ADGRL3: variants seen among roughly 807,000 people sequenced by gnomAD.
The protein encoded by ADGRL3 is calcium-independent alpha-latrotoxin receptor 3.
A neutral mutation model predicts 153.5 loss-of-function variants in ADGRL3; 62 were observed. The ratio of observed to expected loss-of-function variants is 0.40; its 90% CI spans 0.33 to 0.50. The LOEUF (loss-of-function observed/expected upper bound fraction) is 0.50. ADGRL3 is among the 20% of genes least tolerant of loss of function. ADGRL3 has a pLI of 0.47. For synonymous variants in ADGRL3, 710 were observed against 672.5 expected, an observed-to-expected ratio of 1.06 and a Z score of -0.86; for missense variants, 1,641 against 1,859.4, an observed-to-expected ratio of 0.88 and a Z score of 2.16.
intron 1 of ADGRL3, among the ~76,000 whole-genome samples, chr4:61,347,980 A>G (rs2095958615): frequency 6.6e-6 from 1 of 152,104 alleles, no homozygotes; most frequent in African/African-American, 2.4e-5. Context: ...CTAGTGAATC[A>G]TTTCTTGTTC....
intron 3 of ADGRL3, among the ~76,000 whole-genome samples, chr4:61,510,751 T>C (rs2098459210): frequency 6.6e-6 from 1 of 152,230 alleles, no homozygotes; most frequent in Non-Finnish European, 1.5e-5. Flanking sequence ...GGCTCTTTTT[T>C]GATTCCACAG....
intron 3 of ADGRL3, among the ~76,000 whole-genome samples, chr4:61,503,066 A>T (rs1177112186): frequency 6.6e-6 from 1 of 152,212 alleles, no homozygotes; most frequent in Non-Finnish European, 1.5e-5. Flanking sequence ...TGAGATTTAA[A>T]ATAGGTATTT....
At chr4:61,818,543 G>A (rs971196273) in intron 9 of ADGRL3, among the ~76,000 whole-genome samples, 2 of 152,116 alleles carry the variant, frequency 1.3e-5, no homozygotes, top group African/African-American at 4.8e-5. Flanking sequence ...TAAAATATTC[G>A]TAAGAAATCT....
At chr4:61,844,642 C>T (rs992503183) in intron 9 of ADGRL3, among the ~76,000 whole-genome samples, 38 of 121,470 alleles carry the variant, frequency 3.1e-4, no homozygotes, top group African/African-American at 1.1e-3. Context: ...CTGACTAAAA[C>T]GAATAATCGT....
chr4:61,359,412 C>G (rs1428321157), intron 1 of ADGRL3, among the ~76,000 whole-genome samples: 3 of 152,020 alleles, frequency 2.0e-5, no homozygotes, highest in Non-Finnish European at 4.4e-5. Flanking sequence ...AGGATTTAGC[C>G]CCTTGTTGGC....
intron 1 of ADGRL3, among the ~76,000 whole-genome samples, chr4:61,231,401 G>C (rs879170571): frequency 6.6e-6 from 1 of 152,148 alleles, no homozygotes; most frequent in Non-Finnish European, 1.5e-5. Flanking sequence ...GCTGACTAGT[G>C]ATTCCCAAGG....
At chr4:61,617,938 A>C (rs1358466064) in intron 5 of ADGRL3, among the ~76,000 whole-genome samples, 2 of 152,182 alleles carry the variant, frequency 1.3e-5, no homozygotes, top group Non-Finnish European at 2.9e-5. Flanking sequence ...GCAGCAATGA[A>C]CATAGGTTGG....
intron 1 of ADGRL3, among the ~76,000 whole-genome samples, chr4:61,340,461 G>A (rs1218795072): frequency 4.0e-5 from 6 of 151,704 alleles, no homozygotes; most frequent in Admixed American, 1.3e-4. Flanking sequence ...CAAGTTCCCA[G>A]TATAATCCTA....
chr4:61,645,658 G>C (rs552343755), intron 5 of ADGRL3, among the ~76,000 whole-genome samples: 1 of 152,148 alleles, frequency 6.6e-6, no homozygotes, highest in Non-Finnish European at 1.5e-5. Context: ...GAGATCCACT[G>C]TTAGTCTGAT....
intron 5 of ADGRL3, among the ~76,000 whole-genome samples, chr4:61,617,503 G>T (rs749347693): frequency 2.0e-5 from 3 of 151,970 alleles, no homozygotes; most frequent in Non-Finnish European, 2.9e-5. Flanking sequence ...ATTTTCCGTG[G>T]TCACCAACTG....
chr4:61,446,150 T>C (rs2097579719), intron 2 of ADGRL3, among the ~76,000 whole-genome samples: 1 of 152,204 alleles, frequency 6.6e-6, no homozygotes, highest in South Asian at 2.1e-4. Context: ...ATATGAGCTC[T>C]GCCCTGGACA....
intron 4 of ADGRL3, among the ~76,000 whole-genome samples, chr4:61,567,476 A>T (rs1185662106): frequency 6.6e-6 from 1 of 152,182 alleles, no homozygotes; most frequent in Non-Finnish European, 1.5e-5. Flanking sequence ...CAGAGAGCTG[A>T]CTTGCCCCTT....
chr4:61,317,400 T>G (rs971530724), intron 1 of ADGRL3, among the ~76,000 whole-genome samples: 1 of 152,186 alleles, frequency 6.6e-6, no homozygotes, highest in Non-Finnish European at 1.5e-5. Flanking sequence ...CAAAGATCAA[T>G]AGGATCTTTA....
chr4:61,413,943 A>G (rs2097116836), intron 2 of ADGRL3, among the ~76,000 whole-genome samples: 1 of 152,186 alleles, frequency 6.6e-6, no homozygotes, highest in African/African-American at 2.4e-5. Flanking sequence ...CTGGTTTGGG[A>G]CCATTTTATT....
rs182822031 is a variant in ADGRL3 at position 61,845,258 on chromosome 4, G to A, written c.1480+31369G>A. Among the ~76,000 whole-genome samples the A allele has an allele frequency of 1.5e-3, 226 of 152,068 alleles. 2 individuals are homozygous for A. The highest frequency in any genetic ancestry group is 5.2e-3 in the African/African-American group (215 of 41,526). The stretch of plus-strand genomic sequence containing the variant: ...ATTGTCCAAAATATTAGAGAAACAT[G>A]AAAAAGCTATGCAGATTTCCCATTA... On this transcript the variant is annotated intron_variant, in intron 9 of 26. Coordinates refer to ENST00000683033, the MANE Select transcript of ADGRL3 (RefSeq NM_001387552.1).
At chr4:61,664,621 G>A (rs1276356247) in intron 5 of ADGRL3, among the ~76,000 whole-genome samples, 1 of 152,030 alleles carries the variant, frequency 6.6e-6, no homozygotes, top group Non-Finnish European at 1.5e-5. Flanking sequence ...AGATCACATA[G>A]TGGGGATTCA....
rs4312787 is a variant in ADGRL3 at position 61,848,765 on chromosome 4, A to T, written c.1480+34876A>T. Reference sequence around the variant, plus strand: ...GACTCATGCAAGGATAAATTAAATGATCAAACTTTCTAAAGGCTTAATTAG... The same window carrying T: ...GACTCATGCAAGGATAAATTAAATGTTCAAACTTTCTAAAGGCTTAATTAG... On this transcript the variant is annotated intron_variant, in intron 9 of 26. Transcript: ENST00000683033. Among the ~76,000 whole-genome samples, 77 of 152,280 alleles carry T rather than the reference A, an allele frequency of 5.1e-4. 1 individual carries two copies. Among genetic ancestry groups the T allele is most frequent in the African/African-American group, 1.8e-3 (74 of 41,550 alleles).
rs144987613 is a variant in ADGRL3 at position 61,553,993 on chromosome 4, G to A, written c.260-33234G>A. 9.2e-3 allele frequency among the ~76,000 whole-genome samples: 1,391 copies of A among 151,484 alleles called. 30 individuals are homozygous for A. The highest frequency in any genetic ancestry group is 0.031 in the African/African-American group (1,290 of 41,276). On this transcript the variant is annotated intron_variant, in intron 4 of 26. Transcript: ENST00000683033. ...TAGGGCAATGCTCCTACCTGCCGGA[G>A]AACAGAGGAGAAAGCTTTTGAGTGA...
intron 1 of ADGRL3, among the ~76,000 whole-genome samples, chr4:61,316,885 A>AT (rs1363751140): frequency 5.3e-5 from 8 of 152,024 alleles, no homozygotes; most frequent in South Asian, 2.1e-4. Context: ...TCTCTTTATT[A>AT]TTTTTTTTGT....
Sources: allele counts gnomAD v4.1 joint callset (sites outside exome capture counted in the v4.1 genomes callset), GRCh38; gene constraint gnomAD v4.1.1; transcripts MANE v1.5; gene names NCBI Gene and HGNC (gene_info 2026-07-23, HGNC 2026-07-21).